GATA2: variants seen among roughly 807,000 people sequenced by gnomAD.
GATA2 encodes GATA binding protein 2, also known as endothelial transcription factor GATA-2.
A neutral mutation model predicts 35.7 loss-of-function variants in GATA2; 6 were observed. The ratio of observed to expected loss-of-function variants is 0.17; its 90% CI spans 0.09 to 0.33. GATA2 has a LOEUF of 0.33. Among genes scored for constraint, GATA2 ranks in the 10% least tolerant of loss-of-function variants. The probability of loss-of-function intolerance (pLI) is 1.00; values close to 1 mark genes in which losing one functional copy is unlikely to be tolerated. For missense variants in GATA2, 541 were observed against 656.6 expected (o/e 0.82, Z 1.92); for synonymous variants, 313 against 274.9 (o/e 1.14, Z -1.37).
At position 128,486,046 on chromosome 3, in the gene GATA2, G is replaced by A; in HGVS notation, c.552C>T (p.Asp184=). 2 of 1,613,954 alleles carry A rather than the reference G, an allele frequency of 1.2e-6. No individual in the cohort carries two copies. Among genetic ancestry groups the A allele is most frequent in the South Asian group, 1.1e-5 (1 of 91,082 alleles). ...GAGACGCAGCCCCCGTGGTGCTAGG[G>A]TCAGGAGACACTTCTTTGGGTGGCG... ...PPTPPKEVSP[D]PSTTGAASPA... The change falls in exon 3 of 6, where the codon GAC becomes GAT. Residue 184 remains aspartate (D), a synonymous_variant. Transcript: ENST00000341105.
At chr3:128,490,650 ATGTC>A (rs1000162796) in intron 1 of GATA2, 1 of 152,176 alleles carries the variant, frequency 6.6e-6, no homozygotes, top group Non-Finnish European at 1.5e-5. Flanking sequence ...GCGCTCGACA[ATGTC>A]TGTGTGTGCC....
intron 4 of GATA2, chr3:128,482,160 T>C (rs185682384): frequency 1.1e-5 from 7 of 631,056 alleles, no homozygotes; most frequent in South Asian, 9.9e-5. Context: ...CTCAGAAGCC[T>C]GATGTTAGAA....
At position 128,481,141 on chromosome 3, in the gene GATA2, C is replaced by T; in HGVS notation, c.1321G>A (p.Gly441Ser). The T allele has an allele frequency of 6.2e-7, 1 of 1,614,086 alleles. No homozygotes were observed. Among genetic ancestry groups the T allele is most frequent in the South Asian group, 1.1e-5 (1 of 91,078 alleles). The change falls in exon 6 of 6, where the codon GGC (glycine) becomes AGC (serine). Residue 441 changes from glycine to serine, a missense_variant. By Grantham distance (56) the Gly-to-Ser change is moderately conservative. Transcript: ENST00000341105. Reference sequence around the variant, plus strand: ...GAGTGGCTGAAGGGCGGGAGGTGGCCCACAGGTGCCATGTGTCCAGCCAGG... The same window carrying T: ...GAGTGGCTGAAGGGCGGGAGGTGGCTCACAGGTGCCATGTGTCCAGCCAGG... ...AALAGHMAPV[G>S]HLPPFSHSGH...
chr3:128,480,947 G>C lies in GATA2; in HGVS notation c.*72C>G, dbSNP rs1278541127. 1 of 1,446,496 alleles carries C rather than the reference G, an allele frequency of 6.9e-7. No homozygotes were observed. The highest frequency in any genetic ancestry group is 9.2e-7 in the Non-Finnish European group (1 of 1,090,296). 89.6% of individuals were successfully genotyped at this position (1,446,496 alleles called of 1,614,324 possible). A position where few individuals can be genotyped will look rare whatever the true frequency, so the allele number is the denominator to read the frequency against. On this transcript the variant is annotated 3_prime_UTR_variant, in exon 6 of 6. Transcript: ENST00000341105. Reference sequence around the variant, plus strand: ...CTGGCAGGAGTGGTGTCGGCCTTCGGGAAATGCTGGGCTGCTAAGGGTTTG... The same window carrying C: ...CTGGCAGGAGTGGTGTCGGCCTTCGCGAAATGCTGGGCTGCTAAGGGTTTG...
chr3:128,482,743 G>A (rs2068645846), intron 4 of GATA2, among the ~76,000 whole-genome samples: 1 of 152,184 alleles, frequency 6.6e-6, no homozygotes, highest in East Asian at 1.9e-4. Context: ...GTAGGGTCTG[G>A]AAATGAGCGC....
At chr3:128,489,099 G>C (rs2068743050) in intron 1 of GATA2, 1 of 152,212 alleles carries the variant, frequency 6.6e-6, no homozygotes, top group Non-Finnish European at 1.5e-5. Context: ...AGTGGGGGAG[G>C]GGCGGCGGGA....
In GATA2 at chr3:128,486,935, A is replaced by C; in HGVS notation, c.97T>G (p.Tyr33Asp). 1 of 1,613,052 alleles carries C rather than the reference A, an allele frequency of 6.2e-7. No individual in the cohort carries two copies. The highest frequency in any genetic ancestry group is 1.1e-5 in the South Asian group (1 of 90,856). ...GGCAGCAGCTGCGCGGGTTCCATGT[A>C]GTTGTGCGCCAGGCCCGGGTGGTGT... ...DSHHPGLAHN[Y>D]MEPAQLLPPD... Residue 33 changes from tyrosine to aspartate, a missense_variant, in exon 2 of 6, where the codon TAC becomes GAC. Around this residue, in one of 5 missense-constraint regions of GATA2, gnomAD observed 389 missense variants for 396.9 expected, o/e 0.98. Transcript: ENST00000341105.
chr3:128,482,813 C>A (rs904586646), intron 4 of GATA2, among the ~76,000 whole-genome samples: 2 of 152,216 alleles, frequency 1.3e-5, no homozygotes, highest in Non-Finnish European at 2.9e-5. Context: ...ATCCCCTCTC[C>A]CGGTTCCACC....
At chr3:128,483,686 C>T (rs947356013) in intron 4 of GATA2, among the ~76,000 whole-genome samples, 174 bp downstream of exon 4, 1 of 152,232 alleles carries the variant, frequency 6.6e-6, no homozygotes, top group Non-Finnish European at 1.5e-5. Context: ...AAATCTGGCC[C>T]GAAAGAATCT....
At position 128,480,782 on chromosome 3, in the gene GATA2, A is replaced by C. The variant is rs191758336; in HGVS notation, c.*237T>G. On this transcript the variant is annotated 3_prime_UTR_variant, in exon 6 of 6. Coordinates refer to ENST00000341105, the MANE Select transcript of GATA2 (RefSeq NM_032638.5). Reference sequence around the variant, plus strand: ...CATAAAGTTGTCCTTGTTGTTCTCCAAACAACTGTCCATGCAGGAAACCCC... The same window carrying C: ...CATAAAGTTGTCCTTGTTGTTCTCCCAACAACTGTCCATGCAGGAAACCCC... 140 of 523,316 alleles carry C rather than the reference A, an allele frequency of 2.7e-4. No individual in the cohort carries two copies. Among genetic ancestry groups the C allele is most frequent in the African/African-American group, 2.5e-3 (133 of 52,908 alleles). 32.4% of individuals were successfully genotyped at this position (523,316 alleles called of 1,614,324 possible).
intron 3 of GATA2, among the ~76,000 whole-genome samples, chr3:128,485,004 T>C (rs2068676298): frequency 6.6e-6 from 1 of 152,206 alleles, no homozygotes. Flanking sequence ...AACTCCACAC[T>C]AGCCACGAGT....
At chr3:128,491,459 G>C (rs1397867613) in intron 1 of GATA2, among the ~76,000 whole-genome samples, 1 of 152,204 alleles carries the variant, frequency 6.6e-6, no homozygotes, top group Non-Finnish European at 1.5e-5. Context: ...AAACCTTGAG[G>C]GGTACGGGGA....
At chr3:128,491,707 T>C (rs11712335) in intron 1 of GATA2, among the ~76,000 whole-genome samples, 40,888 of 152,008 alleles carry the variant, frequency 0.27, 5,708 homozygotes, top group South Asian at 0.4. Context: ...TCGTAGAGTC[T>C]GTGGCCCCCA....
intron 2 of GATA2, among the ~76,000 whole-genome samples, chr3:128,486,576 G>A (rs2068702774): frequency 6.6e-6 from 1 of 152,094 alleles, no homozygotes. Context: ...GAACCCCACC[G>A]GACAGACCCT....
At chr3:128,491,551 CG>C (rs961084598) in intron 1 of GATA2, among the ~76,000 whole-genome samples, 6 of 152,112 alleles carry the variant, frequency 3.9e-5, no homozygotes, top group Non-Finnish European at 5.9e-5. Context: ...GCCATCCCTC[CG>C]GGGGGGTTCC....
chr3:128,489,024 G>A (rs138185475), intron 1 of GATA2, among the ~76,000 whole-genome samples: 2 of 152,194 alleles, frequency 1.3e-5, no homozygotes, highest in African/African-American at 4.8e-5. Flanking sequence ...CGGGGTAGAT[G>A]TCCAGAGGGC....
At chr3:128,483,762 C>T (rs1159890312) in intron 4 of GATA2, 98 bp downstream of exon 4, 3 of 1,492,210 alleles carry the variant, frequency 2.0e-6, no homozygotes, top group South Asian at 2.3e-5. Context: ...GGATTTCAAG[C>T]GGCAAAGCGT....
chr3:128,486,739 C>A, intron 2 of GATA2, 64 bp downstream of exon 2: 1 of 1,455,730 alleles, frequency 6.9e-7, no homozygotes, highest in South Asian at 1.2e-5. Context: ...CAGACGGGCC[C>A]TCCTCCCCTC....
At chr3:128,481,690 C>G (rs1260825663) in intron 5 of GATA2, 129 bp downstream of exon 5, 5 of 1,141,312 alleles carry the variant, frequency 4.4e-6, no homozygotes, top group Non-Finnish European at 6.2e-6. Context: ...GCCCTTCTGG[C>G]GCTCACTCAG....
Sources: gnomAD v4.1 joint callset for allele counts (sites outside exome capture counted in the v4.1 genomes callset) on GRCh38, gnomAD v4.1.1 for gene constraint, gnomAD v4.1.1 regional missense constraint, MANE v1.5 for transcripts, NCBI Gene and HGNC (gene_info 2026-07-23, HGNC 2026-07-21) for gene names.